Variants in MACROD2 observed in about 807,000 individuals in gnomAD.
MACROD2 encodes the protein ADP-ribose glycohydrolase MACROD2.
Under a neutral mutation model 70.4 loss-of-function variants are expected in MACROD2, and 36 were observed. That is an observed-to-expected ratio of 0.51 (90% CI 0.39 to 0.68). The LOEUF is 0.68. MACROD2 is among the 30% of genes least tolerant of loss of function. The pLI is 0.00. For missense variants in MACROD2, 496 were observed against 538.4 expected (o/e 0.92, Z 0.78); for synonymous variants, 172 against 178.8 (o/e 0.96, Z 0.30).
At chr20:15,041,361 C>T (rs2075354825) in intron 5 of MACROD2, among the ~76,000 whole-genome samples, 1 of 152,078 alleles carries the variant, frequency 6.6e-6, no homozygotes, top group Admixed American at 6.6e-5. Flanking sequence ...GGCCATATAT[C>T]CAACTTTAGA....
intron 5 of MACROD2, among the ~76,000 whole-genome samples, chr20:14,736,962 T>G (rs1025609569): frequency 6.6e-6 from 1 of 152,120 alleles, no homozygotes; most frequent in African/African-American, 2.4e-5. Context: ...TTTTTAGAAT[T>G]TTTAAAATAT....
intron 3 of MACROD2, chr20:14,337,605 T>C (rs2082962597): frequency 1.0e-5 from 4 of 398,476 alleles, no homozygotes; most frequent in Non-Finnish European, 8.8e-6. Flanking sequence ...CATTCCAGTT[T>C]ACTGCACACA....
intron 6 of MACROD2, among the ~76,000 whole-genome samples, chr20:15,347,103 G>A (rs1483642486): frequency 6.6e-6 from 1 of 152,158 alleles, no homozygotes; most frequent in African/African-American, 2.4e-5. Flanking sequence ...TCATTGTAAA[G>A]TCTTTCAAGG....
At chr20:15,960,617 C>G (rs1164257729) in intron 12 of MACROD2, among the ~76,000 whole-genome samples, 2 of 152,112 alleles carry the variant, frequency 1.3e-5, no homozygotes, top group East Asian at 1.9e-4. Flanking sequence ...TATTAATGAT[C>G]AAGTTACTGC....
chr20:14,558,336 G>C (rs973783888), intron 4 of MACROD2, among the ~76,000 whole-genome samples: 1 of 151,616 alleles, frequency 6.6e-6, no homozygotes, highest in Non-Finnish European at 1.5e-5. Context: ...AAAGGGCCTG[G>C]TATGTGAATC....
At chr20:14,928,843 C>T (rs976857295) in intron 5 of MACROD2, among the ~76,000 whole-genome samples, 1 of 152,170 alleles carries the variant, frequency 6.6e-6, no homozygotes, top group African/African-American at 2.4e-5. Context: ...CAATAAATGA[C>T]ACCAACATTA....
intron 8 of MACROD2, among the ~76,000 whole-genome samples, chr20:15,719,309 G>A (rs1001085193): frequency 6.6e-6 from 1 of 152,170 alleles, no homozygotes; most frequent in African/African-American, 2.4e-5. Context: ...GCACTTTGCC[G>A]ACTCTAAGAA....
intron 5 of MACROD2, among the ~76,000 whole-genome samples, chr20:14,938,949 T>TC (rs2074366428): frequency 6.8e-6 from 1 of 147,262 alleles, no homozygotes; most frequent in Admixed American, 6.7e-5. Flanking sequence ...GATTTTTTTT[T>TC]TTTTTTTTTT....
Position 14,732,237 on chromosome 20 carries a change from A to G in MACROD2, c.418+47278A>G, listed in dbSNP as rs546052482. ...CATTTTGTAATGTTCCTATGTAGCA[A>G]CATCTATTGGGAAAAATAAAGCATG... is the stretch of plus-strand genomic sequence containing the variant. On this transcript the variant is annotated intron_variant, in intron 5 of 17. Coordinates refer to ENST00000684519, the MANE Select transcript of MACROD2 (RefSeq NM_001351661.2). Among the ~76,000 whole-genome samples, 112 of 152,286 alleles carry G rather than the reference A, an allele frequency of 7.4e-4. 1 individual carries two copies. Among genetic ancestry groups the G allele is most frequent in the African/African-American group, 2.4e-3 (101 of 41,568 alleles).
intron 3 of MACROD2, among the ~76,000 whole-genome samples, chr20:14,204,993 C>G (rs1373969540): frequency 6.6e-6 from 1 of 152,074 alleles, no homozygotes; most frequent in Non-Finnish European, 1.5e-5. Flanking sequence ...ATAGAGAAGG[C>G]TGTAGAGAGA....
At chr20:15,178,362 CCTT>C (rs1568619277) in intron 5 of MACROD2, among the ~76,000 whole-genome samples, 1 of 152,188 alleles carries the variant, frequency 6.6e-6, no homozygotes, top group African/African-American at 2.4e-5. Flanking sequence ...TTATGGGCAT[CCTT>C]CTTCAAACTT....
intron 5 of MACROD2, among the ~76,000 whole-genome samples, chr20:14,995,315 C>G (rs2074939953): frequency 6.6e-6 from 1 of 151,842 alleles, no homozygotes; most frequent in Non-Finnish European, 1.5e-5. Context: ...ACAGTTTCCT[C>G]AAATAATTTT....
Position 14,199,259 on chromosome 20 carries a change from C to T in MACROD2, c.271+113531C>T, listed in dbSNP as rs570529047. Among the ~76,000 whole-genome samples the T allele has an allele frequency of 3.9e-5, 6 of 152,228 alleles. No individual in the cohort carries two copies. In the South Asian group the frequency reaches 1.2e-3, roughly 32 times the overall value. On this transcript the variant is annotated intron_variant, in intron 3 of 17. Coordinates refer to ENST00000684519, the MANE Select transcript of MACROD2 (RefSeq NM_001351661.2). ...TAAAATGGACATTGTCTTTGTTGTACGTCGGTGAGTGACAAGGGTTCTGCA... is the reference window on the plus strand; with the variant it reads ...TAAAATGGACATTGTCTTTGTTGTATGTCGGTGAGTGACAAGGGTTCTGCA...
Position 15,428,049 on chromosome 20 carries a change from G to A in MACROD2, c.541-3356G>A, listed in dbSNP as rs564556223. The stretch of plus-strand genomic sequence containing the variant: ...AATAGTGCTGAGGTTGGGAAGCCTT[G>A]CTCTGGAGCAACAGAACCTGGTGGA... On this transcript the variant is annotated intron_variant, in intron 6 of 17. Transcript: ENST00000684519. Among the ~76,000 whole-genome samples the A allele has an allele frequency of 1.3e-4, 20 of 152,268 alleles. No individual in the cohort carries two copies. The South Asian group carries it at 4.1e-3, about 32-fold the overall frequency.
At position 15,876,111 on chromosome 20, in the gene MACROD2, A is replaced by ATATATATATATATATG. The variant is rs1555789655; in HGVS notation, c.728-9652_728-9651insATATATATATATATGT. On this transcript the variant is annotated intron_variant, in intron 9 of 17. Transcript: ENST00000684519. ...GTCTTTTATATATATATATATATAT[A>ATATATATATATATATG]TGTGTGTATTTTTTTTATTACACTG... Among the ~76,000 whole-genome samples the ATATATATATATATATG allele has an allele frequency of 2.4e-3, 328 of 138,802 alleles. 5 individuals carry two copies. Among genetic ancestry groups the ATATATATATATATATG allele is most frequent in the African/African-American group, 8.1e-3 (282 of 34,754 alleles). The allele number at this position is 138,802 out of a possible 152,430, so 91.1% of individuals were successfully genotyped here.
chr20:14,788,460 C>G (rs1339942128), intron 5 of MACROD2, among the ~76,000 whole-genome samples: 1 of 151,314 alleles, frequency 6.6e-6, no homozygotes, highest in Non-Finnish European at 1.5e-5. Flanking sequence ...ATGGTGTGCA[C>G]CTGTATTCCC....
intron 3 of MACROD2, among the ~76,000 whole-genome samples, chr20:14,319,714 T>A (rs540091648): frequency 6.6e-6 from 1 of 152,302 alleles, no homozygotes; most frequent in Admixed American, 6.5e-5. Flanking sequence ...CCTTTTTTAA[T>A]ACTTTCCTTC....
intron 15 of MACROD2, among the ~76,000 whole-genome samples, chr20:15,994,170 G>A (rs1410697098): frequency 6.6e-6 from 1 of 152,128 alleles, no homozygotes; most frequent in Non-Finnish European, 1.5e-5. Context: ...TAGGGCAGTA[G>A]CTTCCAACTT....
intron 8 of MACROD2, among the ~76,000 whole-genome samples, chr20:15,689,741 A>C (rs1365224880): frequency 6.6e-6 from 1 of 152,166 alleles, no homozygotes; most frequent in Non-Finnish European, 1.5e-5. Flanking sequence ...AGGTGGAAGT[A>C]TATCTGGGAG....
Sources: gnomAD v4.1 joint callset for allele counts (sites outside exome capture counted in the v4.1 genomes callset) on GRCh38, gnomAD v4.1.1 for gene constraint, MANE v1.5 for transcripts, NCBI Gene and HGNC (gene_info 2026-07-23, HGNC 2026-07-21) for gene names.